PDE4A: variants seen among roughly 807,000 people sequenced by gnomAD.
The protein encoded by PDE4A is phosphodiesterase 4A, also known as 3',5'-cyclic-AMP phosphodiesterase 4A.
Under a neutral mutation model 73.9 loss-of-function variants are expected in PDE4A, and 21 were observed. The ratio of observed to expected loss-of-function variants is 0.28; its 90% CI spans 0.20 to 0.41. The LOEUF is 0.41. Ranked by LOEUF, PDE4A falls within the 10% of genes least tolerant of loss-of-function variation. The probability of loss-of-function intolerance (pLI) is 1.00; values close to 1 mark genes in which losing one functional copy is unlikely to be tolerated. For missense variants in PDE4A, 958 were observed against 1,211.4 expected, an observed-to-expected ratio of 0.79 and a Z score of 3.10; for synonymous variants, 463 against 505.4, an observed-to-expected ratio of 0.92 and a Z score of 1.13.
intron 1 of PDE4A, among the ~76,000 whole-genome samples, chr19:10,442,942 C>T (rs2043330): frequency 0.3 from 45,686 of 150,938 alleles, 7,255 homozygotes; most frequent in East Asian, 0.53. Context: ...AGCAATATTG[C>T]ATATGCATGT....
intron 1 of PDE4A, among the ~76,000 whole-genome samples, chr19:10,444,636 T>C (rs900437248): frequency 6.6e-6 from 1 of 151,404 alleles, no homozygotes; most frequent in African/African-American, 2.4e-5. Context: ...AGAAACAGCC[T>C]GTGCAAAGGC....
rs568962370 is a variant in PDE4A at position 10,453,076 on chromosome 19, C to T, written c.784-1753C>T. On this transcript the variant is annotated intron_variant, in intron 6 of 14. Coordinates refer to ENST00000380702, the MANE Select transcript of PDE4A (RefSeq NM_001111307.2). The surrounding 1 kb of genome is among the most constrained non-coding windows in gnomAD (Gnocchi z 4.6). ...GGCCCAGGGCTGGCGGGCCATGTAA[C>T]CAGGGCTGCTGCTGGGAGCGCGGAG... The T allele has an allele frequency of 1.1e-4, 141 of 1,339,680 alleles. No homozygotes were observed. In the African/African-American group the frequency reaches 1.9e-3, roughly 18 times the overall value. 83.0% of individuals were successfully genotyped at this position (1,339,680 alleles called of 1,614,324 possible). A position where few individuals can be genotyped will look rare whatever the true frequency, so the allele number is the denominator to read the frequency against.
chr19:10,417,138 C>A, upstream of PDE4A: 2 of 1,434,750 alleles, frequency 1.4e-6, no homozygotes, highest in South Asian at 1.5e-5. Context: ...AGTTTACCCC[C>A]TTGATTCCAT....
chr19:10,427,083 C>T (rs970149906), intron 1 of PDE4A, among the ~76,000 whole-genome samples: 4 of 151,848 alleles, frequency 2.6e-5, no homozygotes, highest in African/African-American at 4.8e-5. Flanking sequence ...AGGTGGATCA[C>T]GAGGTCACGA....
At position 10,467,339 on chromosome 19, in the gene PDE4A, G is replaced by A. The variant is rs202158348; in HGVS notation, c.2379G>A (p.Pro793=). The part of the protein sequence containing the change: ...AQSTGSAPVA[P]DEFSSREEFV... ...CCACAGGCAGTGCACCTGTGGCTCC[G>A]GATGAGTTCTCGTCCCGGGAGGAAT... Residue 793 remains proline, a synonymous_variant, in exon 15 of 15, where the codon CCG becomes CCA. Coordinates refer to ENST00000380702, the MANE Select transcript of PDE4A (RefSeq NM_001111307.2). 9.3e-6 allele frequency: 15 copies of A among 1,614,040 alleles called. No homozygotes were observed. The highest frequency in any genetic ancestry group is 1.6e-4 in the Middle Eastern group (1 of 6,082).
intron 1 of PDE4A, among the ~76,000 whole-genome samples, chr19:10,429,177 TGAAG>T (rs764868002): frequency 5.8e-5 from 6 of 102,848 alleles, no homozygotes; most frequent in Admixed American, 1.2e-4. Flanking sequence ...AAGGAAGAAA[TGAAG>T]GAAGGAAGGA....
chr19:10,436,143 G>A (rs1416396118), intron 1 of PDE4A, among the ~76,000 whole-genome samples: 1 of 152,108 alleles, frequency 6.6e-6, no homozygotes, highest in Non-Finnish European at 1.5e-5. Context: ...GAGGTGTGTA[G>A]CTATGTTCCT....
Position 10,463,788 on chromosome 19 carries a change from T to C in PDE4A, c.1744-5T>C, listed in dbSNP as rs1197634747. 2.5e-6 allele frequency: 4 copies of C among 1,613,970 alleles called. No individual in the cohort carries two copies. The highest frequency in any genetic ancestry group is 3.4e-6 in the Non-Finnish European group (4 of 1,179,896). On this transcript the variant is annotated splice_polypyrimidine_tract_variant and splice_region_variant and intron_variant, in intron 13 of 14. Transcript: ENST00000380702. ...AAGTTTCCCCTGTGCCCCAACCCCA[T>C]GCAGGTCCTCCGGAACATGGTGCAC...
Position 10,463,964 on chromosome 19 carries a change from G to T in PDE4A, c.1915G>T (p.Glu639Ter). The T allele has an allele frequency of 6.2e-7, 1 of 1,614,106 alleles. No individual in the cohort carries two copies. Among genetic ancestry groups the T allele is most frequent in the Non-Finnish European group, 8.5e-7 (1 of 1,179,990 alleles). Residue 639 changes from glutamate (E) to a stop codon, truncating the protein, a stop_gained, in exon 14 of 15, where the codon GAG becomes TAG. Coordinates refer to ENST00000380702, the MANE Select transcript of PDE4A (RefSeq NM_001111307.2). LOFTEE classifies it low-confidence loss of function (END_TRUNC). ...PMCDKHTASV[E>*]KSQVGFIDYI... ...GTGTGACAAGCACACTGCCTCCGTG[G>T]AGAAGTCTCAGGTACAGGCTCGGGG...
chr19:10,451,729 G>A (rs2043094530), intron 6 of PDE4A, among the ~76,000 whole-genome samples: 1 of 152,112 alleles, frequency 6.6e-6, no homozygotes, highest in African/African-American at 2.4e-5. Context: ...CCCATGTACA[G>A]TTGTGCAGAC....
intron 7 of PDE4A, among the ~76,000 whole-genome samples, chr19:10,455,370 A>C (rs946721523): frequency 1.3e-5 from 2 of 151,932 alleles, no homozygotes; most frequent in Non-Finnish European, 2.9e-5. Flanking sequence ...AGGCTCAGGC[A>C]GGAGAATCGC....
At chr19:10,444,979 C>A (rs2042984868) in intron 1 of PDE4A, among the ~76,000 whole-genome samples, 1 of 152,048 alleles carries the variant, frequency 6.6e-6, no homozygotes, top group Non-Finnish European at 1.5e-5. Flanking sequence ...CGGCCTGTGT[C>A]TGAGATTTTT....
rs1568381629 is a variant in PDE4A at position 10,458,569 on chromosome 19, T to C, written c.1101+467T>C. 6.6e-6 allele frequency among the ~76,000 whole-genome samples: 1 copy of C among 152,210 alleles called. No homozygotes were observed. Among genetic ancestry groups the C allele is most frequent in the Non-Finnish European group, 1.5e-5 (1 of 68,036 alleles). On this transcript the variant is annotated intron_variant, in intron 8 of 14. Transcript: ENST00000380702. This position sits in a 1 kb window ranked among gnomAD's most constrained non-coding sequence, Gnocchi z 4.6. ...TTATTGTAACCCTCTTTGAGCCACC[T>C]CCTCCAGTGAATCTTCCATTCAGTC...
chr19:10,454,332 C>G (rs1030906636), intron 6 of PDE4A, among the ~76,000 whole-genome samples: 1 of 152,254 alleles, frequency 6.6e-6, no homozygotes, highest in African/African-American at 2.4e-5. Context: ...GCCAGGACCC[C>G]CAGGATTGGG....
upstream of PDE4A, chr19:10,420,532 C>CGCGGAGA (rs2042635392): frequency 8.9e-7 from 1 of 1,121,234 alleles, no homozygotes; most frequent in Non-Finnish European, 1.1e-6. This position sits in a 1 kb window ranked among gnomAD's most constrained non-coding sequence, Gnocchi z 6.0. Flanking sequence ...GAGCGCGGAG[C>CGCGGAGA]GCGGAGAGCG....
rs974137221 is a variant in PDE4A, at chr19:10,461,097, A to T, written c.1459A>T (p.Asn487Tyr). The change falls in exon 11 of 15, where the codon AAC becomes TAC. Residue 487 changes from asparagine (N) to tyrosine (Y), a missense_variant. Transcript: ENST00000380702. ...HPGVSNQFLI[N>Y]TNSELALMYN... ...TGGGGTCTCCAACCAGTTCCTCATC[A>T]ACACCAGTGAGTGGCCCTCGCCAGG... 6.2e-7 allele frequency: 1 copy of T among 1,611,312 alleles called. No individual in the cohort carries two copies. Among genetic ancestry groups the T allele is most frequent in the African/African-American group, 1.3e-5 (1 of 74,936 alleles).
At chr19:10,419,056 CTTTTTTTTT>C (rs977830124), upstream of PDE4A, 120 of 817,204 alleles carry the variant, frequency 1.5e-4, no homozygotes, top group East Asian at 4.2e-4. Flanking sequence ...GACCGGCAGT[CTTTTTTTTT>C]TTTTTTTTTT....
chr19:10,448,837 TG>T, intron 2 of PDE4A, 79 bp from the exon 3 acceptor site: 2 of 1,601,016 alleles, frequency 1.2e-6, no homozygotes, highest in Non-Finnish European at 1.7e-6. Context: ...TCAGCCTCCC[TG>T]GGTCCAGCCT....
intron 1 of PDE4A, among the ~76,000 whole-genome samples, chr19:10,422,256 T>C (rs1002139012): frequency 6.6e-6 from 1 of 152,164 alleles, no homozygotes; most frequent in African/African-American, 2.4e-5. Context: ...GTGATTGAGT[T>C]CGTGGAACAG....
Sources: gnomAD v4.1 joint callset for allele counts (sites outside exome capture counted in the v4.1 genomes callset) on GRCh38, gnomAD v4.1.1 for gene constraint, Gnocchi (gnomAD v3.1) non-coding constraint, MANE v1.5 for transcripts, NCBI Gene and HGNC (gene_info 2026-07-23, HGNC 2026-07-21) for gene names.